Variants in KCNJ16 observed in about 807,000 individuals in gnomAD.
KCNJ16 encodes potassium inwardly rectifying channel subfamily J member 16.
KCNJ16 carries 15 observed loss-of-function variants against 18.5 expected under a neutral mutation model. That is an observed-to-expected ratio of 0.81 (90% CI 0.54 to 1.25). The LOEUF (loss-of-function observed/expected upper bound fraction) is 1.25. Ranked by LOEUF, KCNJ16 falls within the 50% of genes most tolerant of loss-of-function variation. The pLI is 0.00. For synonymous variants in KCNJ16, 174 were observed against 186.5 expected (o/e 0.93, Z 0.55); for missense variants, 523 against 525.7 (o/e 0.99, Z 0.05).
In KCNJ16 at chr17:70,111,230, TTAATTTGCAAAACACAAAAGATA is replaced by T. The variant is rs1194758587; in HGVS notation, c.-191+10492_-191+10514del. Among the ~76,000 whole-genome samples, 5 of 152,302 alleles carry T rather than the reference TTAATTTGCAAAACACAAAAGATA, an allele frequency of 3.3e-5. No individual in the cohort carries two copies. In the East Asian group the frequency reaches 5.8e-4, roughly 18 times the overall value. On this transcript the variant is annotated intron_variant, in intron 2 of 3. Transcript: ENST00000392671. ...AATGCTAGTTTTTTTGCTTAGCTTG[TTAATTTGCAAAACACAAAAGATA>T]TAATTTGCAAAACACAAAAGATATA...
At chr17:70,079,941 A>G (rs2071482267) in intron 1 of KCNJ16, among the ~76,000 whole-genome samples, 2 of 152,066 alleles carry the variant, frequency 1.3e-5, no homozygotes, top group Non-Finnish European at 2.9e-5. Context: ...AGCCTCAAGT[A>G]ATCCACCCAC....
At chr17:70,075,884 G>A (rs1361280390) in intron 1 of KCNJ16, among the ~76,000 whole-genome samples, 2 of 151,800 alleles carry the variant, frequency 1.3e-5, no homozygotes, top group African/African-American at 4.8e-5. Context: ...GGAAATAAGA[G>A]ATCTATTTTT....
intron 3 of KCNJ16, among the ~76,000 whole-genome samples, 193 bp from the exon 4 acceptor site, chr17:70,131,802 C>G (rs2074065571): frequency 6.6e-6 from 1 of 152,124 alleles, no homozygotes; most frequent in Non-Finnish European, 1.5e-5. Flanking sequence ...GTTATTTTCT[C>G]TAATTGCATA....
intron 1 of KCNJ16, among the ~76,000 whole-genome samples, chr17:70,086,366 C>T (rs377336861): frequency 3.3e-5 from 5 of 152,032 alleles, no homozygotes; most frequent in East Asian, 1.9e-4. Context: ...TGAAGTCAAA[C>T]GTGTATTTTC....
chr17:70,113,661 T>C (rs1309039070), intron 2 of KCNJ16, among the ~76,000 whole-genome samples: 2 of 152,128 alleles, frequency 1.3e-5, no homozygotes, highest in Non-Finnish European at 1.5e-5. Flanking sequence ...GACTGAGAAA[T>C]ACTGGGAAAG....
chr17:70,128,417 C>T (rs922903507), intron 2 of KCNJ16, among the ~76,000 whole-genome samples: 2 of 152,124 alleles, frequency 1.3e-5, no homozygotes, highest in Non-Finnish European at 2.9e-5. Flanking sequence ...CTAACTTCCC[C>T]TCTCTCAGAC....
chr17:70,081,964 G>A (rs1252901894), intron 1 of KCNJ16, among the ~76,000 whole-genome samples: 3 of 152,168 alleles, frequency 2.0e-5, no homozygotes, highest in Non-Finnish European at 2.9e-5. Flanking sequence ...CTGCCACTCA[G>A]TAAACAGAAG....
intron 1 of KCNJ16, among the ~76,000 whole-genome samples, chr17:70,090,637 T>C (rs1225190910): frequency 2.0e-5 from 3 of 152,058 alleles, no homozygotes; most frequent in African/African-American, 7.2e-5. Context: ...CAGGGATATA[T>C]GAAATAGTGC....
At chr17:70,130,026 C>T (rs1434866202) in intron 2 of KCNJ16, among the ~76,000 whole-genome samples, 2 of 152,046 alleles carry the variant, frequency 1.3e-5, no homozygotes, top group African/African-American at 2.4e-5. Flanking sequence ...CAGACTCCCA[C>T]CGTGTGTGTA....
intron 2 of KCNJ16, among the ~76,000 whole-genome samples, chr17:70,103,597 C>G (rs1361221558): frequency 6.6e-6 from 1 of 152,124 alleles, no homozygotes; most frequent in South Asian, 2.1e-4. Context: ...TTAAATTAGG[C>G]TGTCCCAGGC....
chr17:70,113,821 T>C (rs1331804685), intron 2 of KCNJ16, among the ~76,000 whole-genome samples: 3 of 152,066 alleles, frequency 2.0e-5, no homozygotes, highest in Admixed American at 1.3e-4. Flanking sequence ...AAAAGTGTGA[T>C]TGGAAGAGAA....
intron 2 of KCNJ16, chr17:70,104,966 G>A (rs2072846584): frequency 7.2e-6 from 1 of 137,932 alleles, no homozygotes; most frequent in Admixed American, 7.5e-5. Context: ...AGCTTCAGAA[G>A]GGTACTAACA....
At chr17:70,103,296 G>GTGTGTGTGTA (rs1408960241) in intron 2 of KCNJ16, among the ~76,000 whole-genome samples, 27 of 72,054 alleles carry the variant, frequency 3.7e-4, no homozygotes, top group African/African-American at 7.1e-4. Context: ...ATGTGTGTGT[G>GTGTGTGTGTA]TATATATATA....
rs7209041 is a variant in KCNJ16 at position 70,135,285 on chromosome 17, G to A, written c.*1941G>A. 0.067 allele frequency: 11,220 copies of A among 166,932 alleles called. 1,400 individuals are homozygous for A. The highest frequency in any genetic ancestry group is 0.26 in the African/African-American group (10,580 of 41,470). The allele number at this position is 166,932 out of a possible 1,614,324, so 10.3% of individuals were successfully genotyped here. A position where few individuals can be genotyped will look rare whatever the true frequency, so the allele number is the denominator to read the frequency against. ...ACTGCAATCTTGTAAGTAGAAAACA[G>A]CCACCATGACAATAAACAAAAACAC... On this transcript the variant is annotated 3_prime_UTR_variant, in exon 4 of 4. Transcript: ENST00000392671.
intron 2 of KCNJ16, among the ~76,000 whole-genome samples, chr17:70,116,371 C>A (rs892525032): frequency 5.9e-5 from 9 of 152,212 alleles, no homozygotes; most frequent in African/African-American, 2.2e-4. Context: ...GATTTTGTCA[C>A]TACAAATAGC....
chr17:70,110,376 G>T (rs1401207767), intron 2 of KCNJ16, among the ~76,000 whole-genome samples: 1 of 152,064 alleles, frequency 6.6e-6, no homozygotes, highest in African/African-American at 2.4e-5. Context: ...ACAGCCTTTG[G>T]TCCTTCACAG....
intron 2 of KCNJ16, among the ~76,000 whole-genome samples, chr17:70,109,789 A>G (rs1030992373): frequency 6.6e-6 from 1 of 152,158 alleles, no homozygotes; most frequent in Non-Finnish European, 1.5e-5. Context: ...GTCAGATCTA[A>G]TAATACTTAG....
At chr17:70,131,524 A>G (rs765580912) in intron 3 of KCNJ16, 29 of 968,360 alleles carry the variant, frequency 3.0e-5, no homozygotes, top group Non-Finnish European at 3.2e-5. Context: ...AAGTTACATT[A>G]TGATATGAAA....
chr17:70,092,585 A>AGAT (rs2072169132), intron 1 of KCNJ16, among the ~76,000 whole-genome samples: 1 of 151,386 alleles, frequency 6.6e-6, no homozygotes, highest in Non-Finnish European at 1.5e-5. Flanking sequence ...ATAGATAGAT[A>AGAT]GATAGATAGA....
Sources: allele counts gnomAD v4.1 joint callset (sites outside exome capture counted in the v4.1 genomes callset), GRCh38; gene constraint gnomAD v4.1.1; transcripts MANE v1.5; gene names NCBI Gene and HGNC (gene_info 2026-07-23, HGNC 2026-07-21).